The following FHIT variants were observed in gnomAD, a reference collection of about 807,000 sequenced individuals.
FHIT encodes the protein fragile histidine triad diadenosine triphosphatase.
FHIT carries 19 observed loss-of-function variants against 17.9 expected under a neutral mutation model. The ratio of observed to expected loss-of-function variants is 1.06; its 90% CI spans 0.74 to 1.56. The LOEUF (loss-of-function observed/expected upper bound fraction) is 1.56. FHIT is among the 40% of genes most tolerant of loss of function. The probability of loss-of-function intolerance (pLI) is 0.00; values close to 1 mark genes in which losing one functional copy is unlikely to be tolerated. For missense variants in FHIT, 248 were observed against 189.2 expected, an observed-to-expected ratio of 1.31 and a Z score of -1.82; for synonymous variants, 81 against 69.7, an observed-to-expected ratio of 1.16 and a Z score of -0.81.
intron 5 of FHIT, chr3:60,080,680 G>A (rs1271114149): frequency 5.9e-5 from 9 of 152,058 alleles, no homozygotes; most frequent in Non-Finnish European, 1.2e-4. Context: ...TAAAGTCCCC[G>A]AGAAAGAAGA....
At chr3:60,863,799 T>C (rs1424437548) in intron 3 of FHIT, among the ~76,000 whole-genome samples, 3 of 152,106 alleles carry the variant, frequency 2.0e-5, no homozygotes, top group African/African-American at 7.2e-5. Flanking sequence ...ATTAACATCA[T>C]CATTATAAAA....
At chr3:59,909,096 C>A (rs1162891999) in intron 8 of FHIT, among the ~76,000 whole-genome samples, 1 of 150,630 alleles carries the variant, frequency 6.6e-6, no homozygotes, top group Non-Finnish European at 1.5e-5. Flanking sequence ...TGCAGTGGCA[C>A]AGTCTCGGCT....
At chr3:60,869,368 T>G (rs1323908858) in intron 3 of FHIT, among the ~76,000 whole-genome samples, 6 of 152,110 alleles carry the variant, frequency 3.9e-5, no homozygotes, top group Admixed American at 1.3e-4. Flanking sequence ...GAGGCAAAGA[T>G]GCAGCCAGTT....
intron 5 of FHIT, among the ~76,000 whole-genome samples, chr3:60,147,488 G>T (rs1174588759): frequency 6.6e-6 from 1 of 152,128 alleles, no homozygotes; most frequent in African/African-American, 2.4e-5. Context: ...CTCCGCCACC[G>T]TGGGTGTCAT....
chr3:60,356,915 G>A (rs906574288), intron 5 of FHIT, among the ~76,000 whole-genome samples: 1 of 152,120 alleles, frequency 6.6e-6, no homozygotes, highest in Admixed American at 6.5e-5. Context: ...CTAGAACTGG[G>A]CCAGGTGCTT....
At chr3:60,277,785 A>C (rs1707228070) in intron 5 of FHIT, among the ~76,000 whole-genome samples, 1 of 152,000 alleles carries the variant, frequency 6.6e-6, no homozygotes, top group Non-Finnish European at 1.5e-5. Context: ...ATTAATCCTC[A>C]GCTCCCAAAC....
intron 2 of FHIT, among the ~76,000 whole-genome samples, chr3:61,072,948 C>T (rs571722800): frequency 2.0e-4 from 31 of 152,216 alleles, no homozygotes; most frequent in African/African-American, 7.5e-4. Flanking sequence ...ACCTTTTCCT[C>T]CTCTTAAAAC....
intron 8 of FHIT, among the ~76,000 whole-genome samples, chr3:59,893,035 A>G (rs900299579): frequency 6.6e-6 from 1 of 152,230 alleles, no homozygotes. Context: ...TTTTAAAACT[A>G]TATCTAAAAA....
At chr3:60,389,941 G>A (rs1480010689) in intron 5 of FHIT, among the ~76,000 whole-genome samples, 5 of 152,068 alleles carry the variant, frequency 3.3e-5, no homozygotes, top group East Asian at 1.9e-4. Flanking sequence ...CAAGTGTGAC[G>A]GCTGACCACC....
intron 5 of FHIT, among the ~76,000 whole-genome samples, chr3:60,236,328 CA>C (rs1362852094): frequency 2.0e-5 from 3 of 149,876 alleles, no homozygotes; most frequent in African/African-American, 7.4e-5. Context: ...TCTGTGTCCC[CA>C]GAGACTTCCT....
chr3:61,137,506 A>C (rs924623622), intron 2 of FHIT, among the ~76,000 whole-genome samples: 1 of 152,110 alleles, frequency 6.6e-6, no homozygotes, highest in Non-Finnish European at 1.5e-5. Context: ...ACTATGCTGC[A>C]ATCACTGGTG....
intron 8 of FHIT, among the ~76,000 whole-genome samples, chr3:59,861,653 A>G (rs893832120): frequency 4.6e-5 from 7 of 152,192 alleles, no homozygotes; most frequent in Admixed American, 4.6e-4. Context: ...ATCAATCATA[A>G]TTTATGCAGA....
At chr3:59,882,980 C>T (rs1317419566) in intron 8 of FHIT, among the ~76,000 whole-genome samples, 1 of 152,138 alleles carries the variant, frequency 6.6e-6, no homozygotes, top group Non-Finnish European at 1.5e-5. Flanking sequence ...AGTGTCCTTA[C>T]TAGGTCAGCA....
At chr3:60,100,424 C>T (rs577424536) in intron 5 of FHIT, among the ~76,000 whole-genome samples, 1 of 152,228 alleles carries the variant, frequency 6.6e-6, no homozygotes, top group East Asian at 1.9e-4. Flanking sequence ...TTAAATTCTT[C>T]ACTGGTGTCA....
At chr3:60,961,225 T>A (rs1475689323) in intron 3 of FHIT, among the ~76,000 whole-genome samples, 1 of 152,244 alleles carries the variant, frequency 6.6e-6, no homozygotes, top group African/African-American at 2.4e-5. Context: ...GCTCCATAAA[T>A]GTCTTCTTTT....
At chr3:60,470,058 T>TTC (rs796525437) in intron 5 of FHIT, among the ~76,000 whole-genome samples, 1,738 of 143,028 alleles carry the variant, frequency 0.012, 15 homozygotes, top group Non-Finnish European at 0.015. Flanking sequence ...CTCTCTTTCT[T>TTC]TCTCTCTCTC....
chr3:60,681,526 G>A (rs1020498679), intron 4 of FHIT, among the ~76,000 whole-genome samples: 1 of 152,178 alleles, frequency 6.6e-6, no homozygotes, highest in Non-Finnish European at 1.5e-5. Context: ...GGCGAGGAAG[G>A]CATGTCAAAA....
intron 2 of FHIT, among the ~76,000 whole-genome samples, chr3:61,095,595 C>T (rs1235945552): frequency 1.3e-5 from 2 of 152,160 alleles, no homozygotes; most frequent in African/African-American, 2.4e-5. Context: ...TGCACAGCAG[C>T]ACAGCCTAAA....
chr3:60,778,372 A>G (rs1700274909), intron 4 of FHIT, among the ~76,000 whole-genome samples: 1 of 152,208 alleles, frequency 6.6e-6, no homozygotes, highest in African/African-American at 2.4e-5. Flanking sequence ...TTTCAAATAC[A>G]GGCTTCTGAT....
Sources: gnomAD v4.1 joint callset for allele counts (sites outside exome capture counted in the v4.1 genomes callset) on GRCh38, gnomAD v4.1.1 for gene constraint, MANE v1.5 for transcripts, NCBI Gene and HGNC (gene_info 2026-07-23, HGNC 2026-07-21) for gene names.